The following SMARCA2 variants were observed in gnomAD, a reference collection of about 807,000 sequenced individuals.
The protein encoded by SMARCA2 is SWI/SNF related BAF chromatin remodeling complex subunit ATPase 2, also known as SWI/SNF-related matrix-associated actin-dependent regulator of chromatin subfamily A member 2.
Under a neutral mutation model 199.8 loss-of-function variants are expected in SMARCA2, and 61 were observed. The observed-to-expected ratio is 0.31, with a 90% CI of 0.25 to 0.38. The LOEUF is 0.38. Among genes scored for constraint, SMARCA2 ranks in the 10% least tolerant of loss-of-function variants. SMARCA2 has a pLI of 1.00. For missense variants in SMARCA2, 1,344 were observed against 2,012.2 expected (o/e 0.67, Z 6.35); for synonymous variants, 935 against 732.0 (o/e 1.28, Z -4.48).
chr9:2,017,942 T>A lies in SMARCA2; in HGVS notation c.-37+2538T>A, dbSNP rs1353238725. 1 of 152,280 alleles carries A rather than the reference T, an allele frequency of 6.6e-6. No individual in the cohort carries two copies. The highest frequency in any genetic ancestry group is 1.5e-5 in the Non-Finnish European group (1 of 68,072). 9.4% of individuals were successfully genotyped at this position (152,280 alleles called of 1,614,324 possible). ...ATGGGCTCCTTGTCCTCCGATCGATTGCGTGGAAAACTTTCCAGCGGGAGG... is the reference window on the plus strand; with the variant it reads ...ATGGGCTCCTTGTCCTCCGATCGATAGCGTGGAAAACTTTCCAGCGGGAGG... On this transcript the variant is annotated intron_variant, in intron 1 of 33. Transcript: ENST00000349721. The surrounding 1 kb of genome is among the most constrained non-coding windows in gnomAD (Gnocchi z 8.8).
chr9:2,164,589 G>A (rs540033309), intron 28 of SMARCA2, among the ~76,000 whole-genome samples: 7 of 152,300 alleles, frequency 4.6e-5, no homozygotes, highest in African/African-American at 1.4e-4. Flanking sequence ...TAATCAGGTA[G>A]GTGAATGGAC....
rs1186071057 is a variant in SMARCA2 at position 2,191,418 on chromosome 9, G to C, written c.4737+10G>C. On this transcript the variant is annotated intron_variant, in intron 33 of 33. Transcript: ENST00000349721. ...GGAGCAGGATGAACGTGTAAGTGTA[G>C]CCGACTGGGACTGAAGGCGGAGACG... 2 of 1,613,814 alleles carry C rather than the reference G, an allele frequency of 1.2e-6. No individual in the cohort carries two copies. Among genetic ancestry groups the C allele is most frequent in the Non-Finnish European group, 1.7e-6 (2 of 1,179,836 alleles).
intron 27 of SMARCA2, among the ~76,000 whole-genome samples, chr9:2,130,748 C>T (rs988084058): frequency 2.6e-5 from 4 of 152,178 alleles, no homozygotes; most frequent in Admixed American, 6.5e-5. Context: ...TGTATAATTG[C>T]GCATGCACAA....
At position 2,056,325 on chromosome 9, in the gene SMARCA2, G is replaced by A. The variant is rs776902743; in HGVS notation, c.1174-347G>A. ...GTTAACATGACACTTAAAACAAAGCGGAAAATTTAAAAAGCTTATTTAGCT... is the reference window on the plus strand; with the variant it reads ...GTTAACATGACACTTAAAACAAAGCAGAAAATTTAAAAAGCTTATTTAGCT... On this transcript the variant is annotated intron_variant, in intron 6 of 33. Transcript: ENST00000349721. This position sits in a 1 kb window ranked among gnomAD's most constrained non-coding sequence, Gnocchi z 4.0. 2.6e-5 allele frequency among the ~76,000 whole-genome samples: 4 copies of A among 151,958 alleles called. No individual in the cohort carries two copies. Among genetic ancestry groups the A allele is most frequent in the Non-Finnish European group, 1.5e-5 (1 of 67,976 alleles).
intron 29 of SMARCA2, among the ~76,000 whole-genome samples, chr9:2,178,607 C>T (rs1280285246): frequency 6.6e-6 from 1 of 151,428 alleles, no homozygotes; most frequent in African/African-American, 2.4e-5. Context: ...CATAGAAAAC[C>T]ACCACATTTC....
chr9:2,079,324 C>T (rs1782050133), intron 14 of SMARCA2, among the ~76,000 whole-genome samples: 1 of 152,238 alleles, frequency 6.6e-6, no homozygotes, highest in African/African-American at 2.4e-5. Flanking sequence ...AATTAACATC[C>T]TGTAAGACTA....
chr9:2,144,047 C>G (rs1429272225), intron 27 of SMARCA2, among the ~76,000 whole-genome samples: 1 of 151,850 alleles, frequency 6.6e-6, no homozygotes, highest in Non-Finnish European at 1.5e-5. Context: ...CGTACATACC[C>G]TTTTCATAGG....
At chr9:2,060,598 A>C (rs1295994604) in intron 8 of SMARCA2, among the ~76,000 whole-genome samples, 1 of 152,198 alleles carries the variant, frequency 6.6e-6, no homozygotes, top group Admixed American at 6.5e-5. Flanking sequence ...TTGTGCCCGG[A>C]CTTTGCTGTA....
chr9:2,080,644 A>G (rs960105827), intron 14 of SMARCA2, among the ~76,000 whole-genome samples: 21 of 151,814 alleles, frequency 1.4e-4, no homozygotes, highest in African/African-American at 4.4e-4. Context: ...CTGTTTCTCT[A>G]CTTATCTCTT....
At chr9:2,114,230 T>G (rs368557277) in intron 24 of SMARCA2, among the ~76,000 whole-genome samples, 69 of 152,344 alleles carry the variant, frequency 4.5e-4, no homozygotes, top group African/African-American at 1.7e-3. Context: ...TACATTCTCC[T>G]CTTTAGAAAA....
chr9:2,083,328 T>G lies in SMARCA2; in HGVS notation c.2349-19T>G, dbSNP rs758018704. ...ATACAAATGTCTTTTTTCTGTTGTT[T>G]TTTTTTTTTGTTCCATAGGACTCTA... On this transcript the variant is annotated intron_variant, in intron 15 of 33. Transcript: ENST00000349721. The G allele has an allele frequency of 2.7e-5, 41 of 1,514,882 alleles. No homozygotes were observed. The highest frequency in any genetic ancestry group is 4.5e-5 in the East Asian group (2 of 43,986). 93.8% of individuals were successfully genotyped at this position (1,514,882 alleles called of 1,614,324 possible).
chr9:2,061,178 G>A (rs547776511), intron 9 of SMARCA2, among the ~76,000 whole-genome samples, 192 bp downstream of exon 9: 16 of 152,264 alleles, frequency 1.1e-4, no homozygotes, highest in African/African-American at 3.9e-4. Context: ...GGAGGTAAGG[G>A]CATAATAATG....
At chr9:2,120,360 G>A (rs1198976669) in intron 26 of SMARCA2, among the ~76,000 whole-genome samples, 1 of 151,912 alleles carries the variant, frequency 6.6e-6, no homozygotes, top group African/African-American at 2.4e-5. Context: ...GAGATGCTTT[G>A]TCTATGGGGG....
intron 26 of SMARCA2, among the ~76,000 whole-genome samples, chr9:2,120,945 T>C (rs1431614689): frequency 6.6e-6 from 1 of 152,180 alleles, no homozygotes; most frequent in African/African-American, 2.4e-5. Context: ...AGGTTAAAGA[T>C]ACCCATCAGA....
chr9:2,181,763 G>A (rs142015058), intron 30 of SMARCA2, 87 bp downstream of exon 30: 28 of 748,938 alleles, frequency 3.7e-5, no homozygotes, highest in African/African-American at 1.0e-4. Context: ...GGAGCTGACC[G>A]CCACTGATGG....
chr9:2,155,975 A>G (rs1825339723), intron 27 of SMARCA2, among the ~76,000 whole-genome samples: 1 of 152,066 alleles, frequency 6.6e-6, no homozygotes, highest in Non-Finnish European at 1.5e-5. Flanking sequence ...TTATTGAACC[A>G]CAGTCGGAGG....
chr9:2,146,686 T>C (rs1317135615), intron 27 of SMARCA2, among the ~76,000 whole-genome samples: 2 of 152,192 alleles, frequency 1.3e-5, no homozygotes, highest in African/African-American at 4.8e-5. Flanking sequence ...TTGCCCATTT[T>C]TGTGGTGGTT....
chr9:2,145,964 A>T (rs998286417), intron 27 of SMARCA2, among the ~76,000 whole-genome samples: 5 of 152,256 alleles, frequency 3.3e-5, no homozygotes, highest in African/African-American at 1.2e-4. Context: ...GAGTAATCAC[A>T]AAGGTGGGAA....
chr9:2,186,143 G>A lies in SMARCA2; in HGVS notation c.4509G>A (p.Arg1503=), dbSNP rs751453496. 156 of 1,613,782 alleles carry A rather than the reference G, an allele frequency of 9.7e-5. No homozygotes were observed. Among genetic ancestry groups the A allele is most frequent in the Non-Finnish European group, 1.3e-4 (149 of 1,179,816 alleles). ...IVLQSVFKSA[R]QKIAKEEESE... is the part of the protein sequence containing the mutation. The stretch of plus-strand genomic sequence containing the variant: ...TACAGTCAGTGTTTAAGAGTGCCCG[G>A]CAGAAAATTGCCAAAGAGGAAGAGA... The change falls in exon 32 of 34, where the codon CGG becomes CGA. Residue 1503 remains arginine, a synonymous_variant. Transcript: ENST00000349721.
Sources: gnomAD v4.1 joint callset for allele counts (sites outside exome capture counted in the v4.1 genomes callset) on GRCh38, gnomAD v4.1.1 for gene constraint, Gnocchi (gnomAD v3.1) non-coding constraint, MANE v1.5 for transcripts, NCBI Gene and HGNC (gene_info 2026-07-23, HGNC 2026-07-21) for gene names.